Variants in TRAPPC9 observed in about 807,000 individuals in gnomAD.
TRAPPC9 encodes the protein IKK2 binding protein.
A neutral mutation model predicts 124.0 loss-of-function variants in TRAPPC9; 83 were observed. The ratio of observed to expected loss-of-function variants is 0.67; its 90% CI spans 0.56 to 0.80. TRAPPC9 has a LOEUF of 0.80. TRAPPC9 is among the 30% of genes least tolerant of loss of function. The pLI is 0.00. For synonymous variants in TRAPPC9, 638 were observed against 617.5 expected (o/e 1.03, Z -0.49); for missense variants, 1,302 against 1,508.3 (o/e 0.86, Z 2.27).
Position 140,007,506 on chromosome 8 carries a change from T to C in TRAPPC9, c.2699+16431A>G, listed in dbSNP as rs564920614. On this transcript the variant is annotated intron_variant, in intron 18 of 22. Transcript: ENST00000438773. The stretch of plus-strand genomic sequence containing the variant: ...ACAACCTGAAATCATGTTTCATGCA[T>C]CACCATTTGGAAATTAAACTCTACA... Among the ~76,000 whole-genome samples, 36 of 152,324 alleles carry C rather than the reference T, an allele frequency of 2.4e-4. 1 individual carries two copies. In the South Asian group the frequency reaches 7.5e-3, roughly 32 times the overall value.
chr8:140,023,847 G>A, intron 18 of TRAPPC9, 90 bp downstream of exon 18: 1 of 1,588,578 alleles, frequency 6.3e-7, no homozygotes, highest in South Asian at 1.1e-5. Context: ...CTGACGGGAT[G>A]CATGACAAAA....
chr8:139,785,381 C>T (rs771579270), intron 21 of TRAPPC9, among the ~76,000 whole-genome samples: 2 of 152,150 alleles, frequency 1.3e-5, no homozygotes, highest in African/African-American at 2.4e-5. Context: ...TTCTTAGATA[C>T]GACACCAAAA....
intron 7 of TRAPPC9, among the ~76,000 whole-genome samples, chr8:140,392,009 A>G (rs1408393225): frequency 2.0e-5 from 3 of 146,470 alleles, no homozygotes; most frequent in Non-Finnish European, 4.5e-5. Flanking sequence ...CTGGGCTACA[A>G]GAGTGAAACT....
chr8:140,013,561 G>C (rs956618625), intron 18 of TRAPPC9, among the ~76,000 whole-genome samples: 29 of 152,308 alleles, frequency 1.9e-4, no homozygotes, highest in Admixed American at 5.2e-4. Context: ...TGCCTTCAGA[G>C]AGCTGACCAT....
chr8:139,871,648 TAAAG>T (rs1197250109), intron 21 of TRAPPC9, among the ~76,000 whole-genome samples: 3 of 152,138 alleles, frequency 2.0e-5, no homozygotes, highest in Admixed American at 1.3e-4. Flanking sequence ...AGATGTCTCT[TAAAG>T]AAAGCAGCAG....
intron 19 of TRAPPC9, chr8:139,933,876 T>C (rs1454442857): frequency 1.3e-5 from 2 of 152,292 alleles, no homozygotes; most frequent in East Asian, 1.9e-4. Context: ...TCTTTATCTA[T>C]AAAGCAGCAA....
At chr8:140,395,664 A>G (rs1050724108) in intron 7 of TRAPPC9, among the ~76,000 whole-genome samples, 2 of 152,220 alleles carry the variant, frequency 1.3e-5, no homozygotes, top group Non-Finnish European at 2.9e-5. Flanking sequence ...ATTTCAACAT[A>G]TTAAATCTGG....
chr8:139,757,564 G>A (rs1226747692), intron 21 of TRAPPC9, among the ~76,000 whole-genome samples: 2 of 151,974 alleles, frequency 1.3e-5, no homozygotes, highest in Non-Finnish European at 2.9e-5. Context: ...GCCAGGGGGC[G>A]TGGGTATTAG....
intron 17 of TRAPPC9, among the ~76,000 whole-genome samples, chr8:140,070,955 G>A (rs1843128975): frequency 6.6e-6 from 1 of 152,202 alleles, no homozygotes; most frequent in African/African-American, 2.4e-5. Flanking sequence ...AGGGACGGGG[G>A]GCCCAGGCCT....
chr8:140,042,649 G>A (rs78489777), intron 17 of TRAPPC9, among the ~76,000 whole-genome samples: 2,433 of 152,306 alleles, frequency 0.016, 58 homozygotes, highest in African/African-American at 0.054. Context: ...TGGAGTGTCC[G>A]GGACCGCCTG....
chr8:139,992,953 A>G (rs138720808), intron 18 of TRAPPC9, among the ~76,000 whole-genome samples: 2 of 152,276 alleles, frequency 1.3e-5, no homozygotes, highest in East Asian at 3.9e-4. Flanking sequence ...AAAAATCTTT[A>G]GACAAAATAT....
intron 17 of TRAPPC9, among the ~76,000 whole-genome samples, chr8:140,061,335 A>G (rs1842599105): frequency 6.6e-6 from 1 of 152,202 alleles, no homozygotes; most frequent in Admixed American, 6.5e-5. Flanking sequence ...TCTTGAGGCC[A>G]TATTTTAATT....
At chr8:139,841,625 C>G (rs1193011534) in intron 21 of TRAPPC9, among the ~76,000 whole-genome samples, 1 of 152,240 alleles carries the variant, frequency 6.6e-6, no homozygotes. Context: ...ACAGCCTCCT[C>G]TGTCCCTGGT....
At chr8:140,342,480 G>A (rs2067222432) in intron 9 of TRAPPC9, among the ~76,000 whole-genome samples, 1 of 152,096 alleles carries the variant, frequency 6.6e-6, no homozygotes, top group African/African-American at 2.4e-5. Context: ...ACAACTAAAA[G>A]TACATCAAAA....
chr8:140,402,917 T>C (rs1480442309), intron 6 of TRAPPC9, among the ~76,000 whole-genome samples: 3 of 152,178 alleles, frequency 2.0e-5, no homozygotes, highest in African/African-American at 7.2e-5. Flanking sequence ...AAAAATAAAT[T>C]GTATTCTTAT....
At chr8:139,799,822 C>G (rs1489196576) in intron 21 of TRAPPC9, among the ~76,000 whole-genome samples, 4 of 152,230 alleles carry the variant, frequency 2.6e-5, no homozygotes, top group African/African-American at 9.6e-5. Context: ...TCCCCCTTTT[C>G]AGAGCCCCAC....
chr8:140,076,685 C>T (rs1843529857), intron 17 of TRAPPC9, among the ~76,000 whole-genome samples: 1 of 152,186 alleles, frequency 6.6e-6, no homozygotes, highest in Non-Finnish European at 1.5e-5. Context: ...CGTGGCACCC[C>T]AAGGCTGGCC....
intron 17 of TRAPPC9, among the ~76,000 whole-genome samples, chr8:140,210,481 C>T (rs1054884565): frequency 6.6e-6 from 1 of 152,194 alleles, no homozygotes; most frequent in African/African-American, 2.4e-5. Flanking sequence ...CCCATCCCCC[C>T]GTCTGCCTGA....
chr8:140,300,169 A>ACACG (rs2065924636), intron 11 of TRAPPC9, among the ~76,000 whole-genome samples: 1 of 152,224 alleles, frequency 6.6e-6, no homozygotes, highest in Non-Finnish European at 1.5e-5. Context: ...CAGACTGCAC[A>ACACG]CACGCACACA....
Sources: gnomAD v4.1 joint callset for allele counts (sites outside exome capture counted in the v4.1 genomes callset) on GRCh38, gnomAD v4.1.1 for gene constraint, MANE v1.5 for transcripts, NCBI Gene and HGNC (gene_info 2026-07-23, HGNC 2026-07-21) for gene names.